Variants in RUFY3 observed in about 807,000 individuals in gnomAD.
RUFY3 encodes the protein RUN and FYVE domain containing 3.
Under a neutral mutation model 84.0 loss-of-function variants are expected in RUFY3, and 34 were observed. The observed-to-expected ratio is 0.40, with a 90% CI of 0.31 to 0.54. The LOEUF is 0.54. RUFY3 is among the 20% of genes least tolerant of loss of function. RUFY3 has a pLI of 0.39. For synonymous variants in RUFY3, 242 were observed against 252.9 expected (o/e 0.96, Z 0.41); for missense variants, 507 against 736.8 (o/e 0.69, Z 3.61).
chr4:70,705,109 A>C, exon 1 of RUFY3: 1 of 1,422,690 alleles, frequency 7.0e-7, no homozygotes, highest in Non-Finnish European at 9.2e-7. Flanking sequence ...TCGGAGCCCG[A>C]CTCGCCGGTG....
chr4:70,794,346 C>G (rs1263207875), intron 13 of RUFY3, among the ~76,000 whole-genome samples: 1 of 152,086 alleles, frequency 6.6e-6, no homozygotes. Context: ...TTTGGGAGGC[C>G]AAGGCAGGTG....
In RUFY3 at chr4:70,780,521, G is replaced by A. The variant is rs138020667; in HGVS notation, c.894+2083G>A. Among the ~76,000 whole-genome samples the A allele has an allele frequency of 9.1e-3, 1,385 of 152,210 alleles. 15 individuals carry two copies. Among genetic ancestry groups the A allele is most frequent in the Non-Finnish European group, 0.015 (996 of 68,014 alleles). On this transcript the variant is annotated intron_variant, in intron 8 of 17. Coordinates refer to ENST00000381006, the MANE Select transcript of RUFY3 (RefSeq NM_001037442.4). ...TTGGCCAGGCTGGTCTTGAGCTCCC[G>A]GCCTCAGGTGATCCACCCGCCTCGG...
chr4:70,804,448 A>G (rs772162984), intron 17 of RUFY3, 32 bp downstream of exon 17: 1 of 1,591,278 alleles, frequency 6.3e-7, no homozygotes, highest in Non-Finnish European at 8.6e-7. Flanking sequence ...CAGGCTTTTC[A>G]TAGGGATGTC....
rs138399811 is a variant in RUFY3 at position 70,789,362 on chromosome 4, A to G, written c.1240-133A>G. The G allele has an allele frequency of 1.9e-4, 174 of 918,596 alleles. 1 individual carries two copies. In the East Asian group the frequency reaches 4.6e-3, roughly 24 times the overall value. The allele number at this position is 918,596 out of a possible 1,614,324, so 56.9% of individuals were successfully genotyped here. ...CTTTAGATAAATTGCTTTTTTTTCC[A>G]TTTCAGGATTAACTGATATTGAAAT... is the stretch of plus-strand genomic sequence containing the variant. On this transcript the variant is annotated intron_variant, in intron 11 of 17. Transcript: ENST00000381006.
intron 12 of RUFY3, chr4:70,793,120 A>G (rs1281875131): frequency 1.0e-6 from 1 of 985,302 alleles, no homozygotes; most frequent in Admixed American, 6.1e-5. Context: ...CTTCTGGAGA[A>G]TATGGTCAGA....
intron 1 of RUFY3, among the ~76,000 whole-genome samples, chr4:70,710,594 C>T (rs965501739): frequency 6.6e-6 from 1 of 151,780 alleles, no homozygotes; most frequent in Non-Finnish European, 1.5e-5. Context: ...CACTTGAACC[C>T]GGGAGGTAGA....
In RUFY3 at chr4:70,806,676, C is replaced by A. The variant is rs370872030; in HGVS notation, c.*17C>A. The A allele has an allele frequency of 5.5e-5, 88 of 1,613,896 alleles. No homozygotes were observed. The African/African-American group carries it at 1.1e-3, about 20-fold the overall frequency. On this transcript the variant is annotated 3_prime_UTR_variant, in exon 18 of 18. Coordinates refer to ENST00000381006, the MANE Select transcript of RUFY3 (RefSeq NM_001037442.4). ...CCATCATAAGACTGGAGGCCAAGAC[C>A]TGGACCAAAACGTTTATGCAGGCTC...
At chr4:70,773,608 A>G in intron 6 of RUFY3, 36 bp downstream of exon 6, 1 of 1,466,328 alleles carries the variant, frequency 6.8e-7, no homozygotes, top group Non-Finnish European at 9.5e-7. Context: ...TTTTCTCCTG[A>G]TGTAGCATTT....
chr4:70,756,361 A>T (rs1185382586), intron 1 of RUFY3, among the ~76,000 whole-genome samples: 1 of 152,180 alleles, frequency 6.6e-6, no homozygotes, highest in Non-Finnish European at 1.5e-5. Context: ...GGCTTCTCTA[A>T]AATTCAAATT....
At chr4:70,783,409 A>G (rs2148775145) in intron 9 of RUFY3, among the ~76,000 whole-genome samples, 2 of 152,386 alleles carry the variant, frequency 1.3e-5, no homozygotes, top group African/African-American at 4.8e-5. Context: ...AGAGACTTCA[A>G]GAAACAGTCT....
At chr4:70,706,888 T>C (rs1445931970) in intron 1 of RUFY3, among the ~76,000 whole-genome samples, 1 of 152,256 alleles carries the variant, frequency 6.6e-6, no homozygotes, top group Non-Finnish European at 1.5e-5. Flanking sequence ...CTTTGTACTT[T>C]AAACACCGCC....
intron 1 of RUFY3, among the ~76,000 whole-genome samples, chr4:70,751,667 T>A (rs560407235): frequency 1.0e-3 from 158 of 152,330 alleles, no homozygotes; most frequent in African/African-American, 3.7e-3. Context: ...GATTTGCAAA[T>A]ATTTTCTGCC....
Position 70,789,241 on chromosome 4 carries a change from C to T in RUFY3, c.1240-254C>T, listed in dbSNP as rs150507019. 1.1e-4 allele frequency among the ~76,000 whole-genome samples: 17 copies of T among 152,200 alleles called. No individual in the cohort carries two copies. In the East Asian group the frequency reaches 2.9e-3, roughly 26 times the overall value. On this transcript the variant is annotated intron_variant, in intron 11 of 17. Coordinates refer to ENST00000381006, the MANE Select transcript of RUFY3 (RefSeq NM_001037442.4). ...GGGTAATTTCTACTCTGCAGTCTAC[C>T]GTGCCAGCTAAGTTATATATTCTAT... is the stretch of plus-strand genomic sequence containing the variant.
intron 4 of RUFY3, among the ~76,000 whole-genome samples, chr4:70,768,303 T>A (rs1401133098): frequency 6.6e-6 from 1 of 152,190 alleles, no homozygotes; most frequent in Non-Finnish European, 1.5e-5. Flanking sequence ...GCCTATTATT[T>A]TTTTCTTTTA....
chr4:70,800,150 C>T lies in RUFY3; in HGVS notation c.1567C>T (p.His523Tyr). ...QKSESKMDGK[H>Y]KMQEENVKLK... ...TGTTTTCTTTTGGCAGGATGGGAAG[C>T]ACAAAATGCAAGAGGAAAATGTTAA... is the stretch of plus-strand genomic sequence containing the variant. The change falls in exon 15 of 18, where the codon CAC becomes TAC. Residue 523 changes from histidine to tyrosine, a missense_variant. By Grantham distance (83) the His-to-Tyr change is moderately conservative (BLOSUM62 2). Coordinates refer to ENST00000381006, the MANE Select transcript of RUFY3 (RefSeq NM_001037442.4). 2 of 1,605,442 alleles carry T rather than the reference C, an allele frequency of 1.2e-6. No homozygotes were observed. The highest frequency in any genetic ancestry group is 8.5e-7 in the Non-Finnish European group (1 of 1,177,830).
intron 5 of RUFY3, 82 bp downstream of exon 5, chr4:70,768,743 C>T: frequency 8.0e-7 from 1 of 1,242,966 alleles, no homozygotes; most frequent in Non-Finnish European, 1.1e-6. Context: ...TTATACCAAC[C>T]AAATTAGGCC....
At chr4:70,800,698 C>T (rs1732113586) in intron 15 of RUFY3, among the ~76,000 whole-genome samples, 1 of 151,960 alleles carries the variant, frequency 6.6e-6, no homozygotes, top group Non-Finnish European at 1.5e-5. Flanking sequence ...AGCCTGCCAA[C>T]ATGGTGAAAC....
chr4:70,740,942 A>T (rs1721225722), intron 1 of RUFY3, among the ~76,000 whole-genome samples: 1 of 152,214 alleles, frequency 6.6e-6, no homozygotes, highest in Non-Finnish European at 1.5e-5. Flanking sequence ...GGCTATTTAT[A>T]GTCTTTATTC....
chr4:70,727,778 ACT>A (rs886323300), intron 1 of RUFY3, among the ~76,000 whole-genome samples: 15 of 148,576 alleles, frequency 1.0e-4, no homozygotes, highest in African/African-American at 3.7e-4. Context: ...CAAGAGAGAA[ACT>A]CTGTCTCAAA....
Sources: gnomAD v4.1 joint callset for allele counts (sites outside exome capture counted in the v4.1 genomes callset) on GRCh38, gnomAD v4.1.1 for gene constraint, MANE v1.5 for transcripts, NCBI Gene and HGNC (gene_info 2026-07-23, HGNC 2026-07-21) for gene names.